Variants in TMPRSS3 observed in about 807,000 individuals in gnomAD.
TMPRSS3 encodes the protein transmembrane protease serine 3.
TMPRSS3 carries 55 observed loss-of-function variants against 59.6 expected under a neutral mutation model. That is an observed-to-expected ratio of 0.92 (90% confidence interval 0.74 to 1.16). TMPRSS3 has a LOEUF of 1.16. Among genes scored for constraint, TMPRSS3 ranks in the 50% most tolerant of loss-of-function variants. The probability of loss-of-function intolerance (pLI) is 0.00; values close to 1 mark genes in which losing one functional copy is unlikely to be tolerated. For missense variants in TMPRSS3, 596 were observed against 579.4 expected (o/e 1.03, Z -0.29); for synonymous variants, 257 against 237.7 (o/e 1.08, Z -0.75).
rs77150810 is a variant in TMPRSS3 at position 42,391,271 on chromosome 21, C to A, written c.95-1234G>T. 9.2e-5 allele frequency among the ~76,000 whole-genome samples: 14 copies of A among 152,302 alleles called. No individual in the cohort carries two copies. The East Asian group carries it at 2.7e-3, about 29-fold the overall frequency. On this transcript the variant is annotated intron_variant, in intron 2 of 12. Coordinates refer to ENST00000644384, the MANE Select transcript of TMPRSS3 (RefSeq NM_001256317.3). ...ATGTTGCTCAGGCTGATGTCAAACT[C>A]CTGGGCTCAAGTGATTCTCCCCACT...
At position 42,380,683 on chromosome 21, in the gene TMPRSS3, A is replaced by G. The variant is rs546293163; in HGVS notation, c.953-471T>C. On this transcript the variant is annotated intron_variant, in intron 9 of 12. Transcript: ENST00000644384. ...CTAGATCACAGTGTGGGTGTTGCCT[A>G]TAGAACACGGCTCCATGAATATTGC... is the stretch of plus-strand genomic sequence containing the variant. Among the ~76,000 whole-genome samples the G allele has an allele frequency of 1.7e-4, 26 of 152,330 alleles. No homozygotes were observed. The South Asian group carries it at 4.6e-3, about 27-fold the overall frequency.
intron 6 of TMPRSS3, among the ~76,000 whole-genome samples, chr21:42,384,395 G>A (rs769234121): frequency 2.0e-5 from 3 of 152,128 alleles, no homozygotes; most frequent in Non-Finnish European, 4.4e-5. Flanking sequence ...AAGGGACAGC[G>A]TGGCAAGCTC....
chr21:42,376,708 G>A (rs768759952), intron 10 of TMPRSS3, 25 bp from the exon 11 acceptor site: 1 of 1,613,688 alleles, frequency 6.2e-7, no homozygotes, highest in South Asian at 1.1e-5. Context: ...GTGAGGGGAT[G>A]TGTGTGAGAA....
chr21:42,374,632 G>A (rs999901899), intron 12 of TMPRSS3, among the ~76,000 whole-genome samples: 3 of 152,130 alleles, frequency 2.0e-5, no homozygotes, highest in Non-Finnish European at 4.4e-5. Context: ...GTGTCTTTTG[G>A]GAGATGAGAA....
chr21:42,376,458 T>C (rs2052429319), intron 11 of TMPRSS3, 83 bp downstream of exon 11: 1 of 1,585,668 alleles, frequency 6.3e-7, no homozygotes, highest in Non-Finnish European at 8.6e-7. Flanking sequence ...CTTTTTGTCC[T>C]GTCACAGGGA....
chr21:42,389,052 A>G lies in TMPRSS3; in HGVS notation c.206-7T>C, dbSNP rs1367719665. ...CCTGAGCAGTCGAAGTGGACTGGGA[A>G]AAGGGAGGAAGGCAGGAATTAACCA... On this transcript the variant is annotated splice_region_variant and splice_polypyrimidine_tract_variant and intron_variant, in intron 3 of 12. Transcript: ENST00000644384. 31 of 1,613,962 alleles carry G rather than the reference A, an allele frequency of 1.9e-5. No homozygotes were observed. The highest frequency in any genetic ancestry group is 2.5e-5 in the Non-Finnish European group (30 of 1,180,012).
chr21:42,371,904 A>G lies in TMPRSS3; in HGVS notation c.*858T>C. ...ACGCCAGACAATGAGGGAAGGAAAC[A>G]TATTATTTGGAATCAAAGGACAATA... On this transcript the variant is annotated 3_prime_UTR_variant, in exon 13 of 13. Coordinates refer to ENST00000644384, the MANE Select transcript of TMPRSS3 (RefSeq NM_001256317.3). The G allele has an allele frequency of 2.2e-6, 1 of 453,576 alleles. No homozygotes were observed. Among genetic ancestry groups the G allele is most frequent in the Non-Finnish European group, 4.4e-6 (1 of 225,820 alleles). The allele number at this position is 453,576 out of a possible 1,614,324, so 28.1% of individuals were successfully genotyped here.
At chr21:42,379,658 C>A (rs1452588363) in intron 10 of TMPRSS3, among the ~76,000 whole-genome samples, 1 of 152,136 alleles carries the variant, frequency 6.6e-6, no homozygotes, top group South Asian at 2.1e-4. Context: ...TCCTACTTCC[C>A]TTATTATTAC....
chr21:42,379,803 G>A (rs554947760), intron 10 of TMPRSS3, among the ~76,000 whole-genome samples: 3 of 152,148 alleles, frequency 2.0e-5, no homozygotes, highest in Admixed American at 2.0e-4. Context: ...GGGTTGTCTA[G>A]GTGGGCTCTG....
chr21:42,376,759 A>C (rs780708451), intron 10 of TMPRSS3, 76 bp from the exon 11 acceptor site: 42 of 1,604,572 alleles, frequency 2.6e-5, no homozygotes, highest in Non-Finnish European at 3.6e-5. Flanking sequence ...TGCTGAGACC[A>C]GGGGGGTGAG....
At chr21:42,383,520 C>T (rs1329996795) in intron 7 of TMPRSS3, 3 of 527,188 alleles carry the variant, frequency 5.7e-6, no homozygotes, top group Non-Finnish European at 1.0e-5. Flanking sequence ...CAGGAGCAGG[C>T]AGGAACCTTC....
chr21:42,389,941 G>A lies in TMPRSS3; in HGVS notation c.191C>T (p.Ala64Val). Residue 64 changes from alanine to valine, a missense_variant, in exon 3 of 13, where the codon GCC (alanine) becomes GTC (valine). Physicochemically the swap from Ala to Val is moderately conservative, Grantham distance 64 (BLOSUM62 0). Coordinates refer to ENST00000644384, the MANE Select transcript of TMPRSS3 (RefSeq NM_001256317.3). ...ATTGTACTCACTGCCCAGACCAATG[G>A]CCAGTGCTAATATCAATGCAATGAT... is the stretch of plus-strand genomic sequence containing the variant. ...IGIIALILAL[A>V]IGLGIHFDCS... 7 of 1,612,628 alleles carry A rather than the reference G, an allele frequency of 4.3e-6. No individual in the cohort carries two copies. Among genetic ancestry groups the A allele is most frequent in the Non-Finnish European group, 5.9e-6 (7 of 1,178,624 alleles).
chr21:42,387,488 C>T (rs1194387619), intron 5 of TMPRSS3, among the ~76,000 whole-genome samples: 1 of 152,016 alleles, frequency 6.6e-6, no homozygotes, highest in African/African-American at 2.4e-5. Flanking sequence ...ACTTGAATTG[C>T]AGCTCATTTC....
In TMPRSS3 at chr21:42,385,428, G is replaced by A. The variant is rs1185939877; in HGVS notation, c.553C>T (p.His185Tyr). ...LLPDDKVTAL[H>Y]HSVYVREGCA... ...ACCTACCTCACATATACTGAGTGGT[G>A]TAATGCAGTCACCTTGTCATCTGGC... Residue 185 changes from histidine to tyrosine, a missense_variant, in exon 6 of 13, where the codon CAC becomes TAC. His to Tyr is a moderately conservative substitution (Grantham distance 83). Coordinates refer to ENST00000644384, the MANE Select transcript of TMPRSS3 (RefSeq NM_001256317.3). The A allele has an allele frequency of 5.6e-6, 9 of 1,614,006 alleles. No individual in the cohort carries two copies. The highest frequency in any genetic ancestry group is 7.6e-6 in the Non-Finnish European group (9 of 1,180,024).
rs893932079 is a variant in TMPRSS3, at chr21:42,380,298, G to C, written c.953-86C>G. The C allele has an allele frequency of 3.0e-4, 329 of 1,095,314 alleles. 3 individuals carry two copies. The highest frequency in any genetic ancestry group is 2.1e-3 in the South Asian group (163 of 75,996). 67.8% of individuals were successfully genotyped at this position (1,095,314 alleles called of 1,614,324 possible). A position where few individuals can be genotyped will look rare whatever the true frequency, so the allele number is the denominator to read the frequency against. ...TCATCTATGCTTCTGCCTCTGAGGA[G>C]CCCAAACTATCTCCCAAGGGAAGGA... On this transcript the variant is annotated intron_variant, in intron 9 of 12. Coordinates refer to ENST00000644384, the MANE Select transcript of TMPRSS3 (RefSeq NM_001256317.3).
intron 2 of TMPRSS3, among the ~76,000 whole-genome samples, chr21:42,392,298 A>G (rs929620902): frequency 2.6e-5 from 4 of 152,238 alleles, no homozygotes; most frequent in African/African-American, 9.6e-5. Flanking sequence ...GAATTTGAAG[A>G]CAAAAATGAT....
intron 2 of TMPRSS3, among the ~76,000 whole-genome samples, chr21:42,393,728 C>T (rs1289167040): frequency 6.6e-6 from 1 of 152,198 alleles, no homozygotes; most frequent in African/African-American, 2.4e-5. Context: ...GCCATGCGGT[C>T]TGTCCTAACG....
At chr21:42,391,190 A>T (rs1405603450) in intron 2 of TMPRSS3, among the ~76,000 whole-genome samples, 2 of 152,156 alleles carry the variant, frequency 1.3e-5, no homozygotes, top group Non-Finnish European at 1.5e-5. Context: ...CAAGGACAAG[A>T]TGTTGATTTT....
chr21:42,374,038 G>A (rs775766660), intron 12 of TMPRSS3, among the ~76,000 whole-genome samples: 19 of 152,126 alleles, frequency 1.2e-4, no homozygotes, highest in Non-Finnish European at 1.8e-4. Flanking sequence ...GTGGAGGACC[G>A]GCTTCTCCTT....
Sources: allele counts gnomAD v4.1 joint callset (sites outside exome capture counted in the v4.1 genomes callset), GRCh38; gene constraint gnomAD v4.1.1; transcripts MANE v1.5; gene names NCBI Gene and HGNC (gene_info 2026-07-23, HGNC 2026-07-21).